The following COMMD1 variants were observed in gnomAD, a reference collection of about 807,000 sequenced individuals.
COMMD1 encodes copper metabolism domain containing 1, also known as COMM domain-containing protein 1.
Under a neutral mutation model 17.2 loss-of-function variants are expected in COMMD1, and 10 were observed. The ratio of observed to expected loss-of-function variants is 0.58; its 90% CI spans 0.36 to 0.99. The LOEUF (loss-of-function observed/expected upper bound fraction) is 0.99. Ranked by LOEUF, COMMD1 falls within the 50% of genes least tolerant of loss-of-function variation. COMMD1 has a pLI of 0.01. For synonymous variants in COMMD1, 97 were observed against 91.6 expected (o/e 1.06, Z -0.34); for missense variants, 270 against 231.8 (o/e 1.17, Z -1.07).
At chr2:61,992,975 A>C (rs1034085803) in intron 1 of COMMD1, among the ~76,000 whole-genome samples, 3 of 152,212 alleles carry the variant, frequency 2.0e-5, no homozygotes, top group African/African-American at 7.2e-5. Flanking sequence ...TATACTTATA[A>C]AAATCTTTAC....
At chr2:62,127,674 T>C (rs1672920403) in intron 2 of COMMD1, among the ~76,000 whole-genome samples, 1 of 152,210 alleles carries the variant, frequency 6.6e-6, no homozygotes, top group Non-Finnish European at 1.5e-5. Flanking sequence ...GCTAGCCATA[T>C]GCAGAAAATT....
chr2:62,063,165 C>T (rs565375856), intron 2 of COMMD1, among the ~76,000 whole-genome samples: 3 of 152,098 alleles, frequency 2.0e-5, no homozygotes, highest in South Asian at 2.1e-4. Flanking sequence ...TGCAGTGAGC[C>T]GAGATCGCAC....
intron 1 of COMMD1, 48 bp downstream of exon 1, chr2:61,905,906 C>T: frequency 6.3e-7 from 1 of 1,595,312 alleles, no homozygotes; most frequent in Non-Finnish European, 8.6e-7. Flanking sequence ...ACCCCTTGGC[C>T]GCTGGCTTCA....
chr2:61,954,153 G>A (rs1450794654), intron 1 of COMMD1, among the ~76,000 whole-genome samples: 1 of 152,120 alleles, frequency 6.6e-6, no homozygotes, highest in Non-Finnish European at 1.5e-5. Flanking sequence ...AGGTTGCAAT[G>A]AGCCGAGATT....
At chr2:62,095,715 T>A (rs1449449435) in intron 2 of COMMD1, among the ~76,000 whole-genome samples, 1 of 147,216 alleles carries the variant, frequency 6.8e-6, no homozygotes, top group East Asian at 2.0e-4. Flanking sequence ...TAATAATGGA[T>A]TCAGCCTCAA....
rs116374491 is a variant in COMMD1 at position 61,938,606 on chromosome 2, C to T, written c.180+32748C>T. Among the ~76,000 whole-genome samples the T allele has an allele frequency of 7.9e-3, 1,202 of 152,278 alleles. 20 individuals carry two copies. The highest frequency in any genetic ancestry group is 0.027 in the African/African-American group (1,137 of 41,550). ...AGGCCTTTTCAGATAAACTTCTATT[C>T]CTGCTCTGGAACTTGCCTTGGTCTC... On this transcript the variant is annotated intron_variant, in intron 1 of 2. Coordinates refer to ENST00000311832, the MANE Select transcript of COMMD1 (RefSeq NM_152516.4).
chr2:62,083,587 CCTTA>C (rs1265482354), intron 2 of COMMD1, among the ~76,000 whole-genome samples: 1 of 152,166 alleles, frequency 6.6e-6, no homozygotes, highest in Non-Finnish European at 1.5e-5. Context: ...TTATAGAATG[CCTTA>C]CTTCCTACTT....
At chr2:62,047,476 T>G (rs1278843844) in intron 2 of COMMD1, among the ~76,000 whole-genome samples, 1 of 152,080 alleles carries the variant, frequency 6.6e-6, no homozygotes, top group Non-Finnish European at 1.5e-5. Flanking sequence ...TCCTTTCTTT[T>G]TTTTTTTGAG....
At chr2:62,113,698 A>G (rs1028110459) in intron 2 of COMMD1, among the ~76,000 whole-genome samples, 2 of 152,204 alleles carry the variant, frequency 1.3e-5, no homozygotes, top group African/African-American at 4.8e-5. Flanking sequence ...GAGCCATTAT[A>G]TTCTAAGAAA....
chr2:62,043,299 G>A (rs1175911816), intron 2 of COMMD1, among the ~76,000 whole-genome samples: 1 of 152,176 alleles, frequency 6.6e-6, no homozygotes, highest in African/African-American at 2.4e-5. Context: ...TATCAGACTT[G>A]AGTTCATTGC....
rs1671809325 is a variant in COMMD1, at chr2:61,976,602, T to TAA, written c.181-24099_181-24098insAA. Among the ~76,000 whole-genome samples the TAA allele has an allele frequency of 2.6e-5, 4 of 152,228 alleles. No homozygotes were observed. The South Asian group carries it at 8.3e-4, about 32-fold the overall frequency. On this transcript the variant is annotated intron_variant, in intron 1 of 2. Coordinates refer to ENST00000311832, the MANE Select transcript of COMMD1 (RefSeq NM_152516.4). ...AGCACTCCTATCAGTAATGGACAAA[T>TAA]GTAGCAGGCAAAAAATCACCAAGGA...
chr2:62,036,167 A>G (rs1201059403), intron 2 of COMMD1, among the ~76,000 whole-genome samples: 1 of 152,080 alleles, frequency 6.6e-6, no homozygotes, highest in Non-Finnish European at 1.5e-5. Context: ...TTAATATGGA[A>G]TCTTTTCAAG....
At chr2:62,024,356 A>G (rs961417207) in intron 2 of COMMD1, among the ~76,000 whole-genome samples, 2 of 152,170 alleles carry the variant, frequency 1.3e-5, no homozygotes, top group Admixed American at 6.5e-5. Context: ...AGCTGGGACT[A>G]CAGGCGCGCA....
At chr2:61,988,261 G>A (rs1357539418) in intron 1 of COMMD1, among the ~76,000 whole-genome samples, 3 of 152,120 alleles carry the variant, frequency 2.0e-5, no homozygotes, top group Admixed American at 1.3e-4. Flanking sequence ...GTAGGAATGT[G>A]GTAGGTCACA....
chr2:62,121,991 A>G (rs776919146), intron 2 of COMMD1, among the ~76,000 whole-genome samples: 1 of 152,054 alleles, frequency 6.6e-6, no homozygotes, highest in Non-Finnish European at 1.5e-5. Context: ...CGGGGTTGCC[A>G]TGTTGCCCAG....
rs368971624 is a variant in COMMD1, at chr2:61,934,163, CAG to C, written c.180+28306_180+28307del. 4.2e-3 allele frequency among the ~76,000 whole-genome samples: 641 copies of C among 152,124 alleles called. 12 individuals carry two copies. The highest frequency in any genetic ancestry group is 0.014 in the Middle Eastern group (4 of 294). On this transcript the variant is annotated intron_variant, in intron 1 of 2. Coordinates refer to ENST00000311832, the MANE Select transcript of COMMD1 (RefSeq NM_152516.4). ...ATGAATTTGAGATAGGGGTGTGTGT[CAG>C]GGGATGGTGGGGGAATGTGAGAGGT...
intron 1 of COMMD1, among the ~76,000 whole-genome samples, chr2:61,988,773 T>C (rs774483384): frequency 6.6e-6 from 1 of 152,160 alleles, no homozygotes; most frequent in African/African-American, 2.4e-5. Flanking sequence ...GTGCCTTTTG[T>C]TTATTGAGGA....
intron 2 of COMMD1, among the ~76,000 whole-genome samples, chr2:62,124,954 A>G (rs538396219): frequency 6.6e-6 from 1 of 152,282 alleles, no homozygotes; most frequent in East Asian, 1.9e-4. Flanking sequence ...CTAGTAAGCC[A>G]TTTGAAAGTT....
chr2:62,096,674 A>G (rs1377800726), intron 2 of COMMD1, among the ~76,000 whole-genome samples: 1 of 152,244 alleles, frequency 6.6e-6, no homozygotes, highest in Middle Eastern at 3.2e-3. Flanking sequence ...GGCAGGGGAA[A>G]GGTCGTAATA....
Sources: gnomAD v4.1 joint callset for allele counts (sites outside exome capture counted in the v4.1 genomes callset) on GRCh38, gnomAD v4.1.1 for gene constraint, MANE v1.5 for transcripts, NCBI Gene and HGNC (gene_info 2026-07-23, HGNC 2026-07-21) for gene names.